Variants in HSF5 observed in about 807,000 individuals in gnomAD.
HSF5 encodes heat shock transcription factor 5, also known as heat shock factor protein 5.
Under a neutral mutation model 50.8 loss-of-function variants are expected in HSF5, and 5 were observed. The ratio of observed to expected loss-of-function variants is 0.10; its 90% confidence interval spans 0.05 to 0.21. The LOEUF (loss-of-function observed/expected upper bound fraction) is 0.21. Among genes scored for constraint, HSF5 ranks in the 10% least tolerant of loss-of-function variants. HSF5 has a pLI of 1.00. For missense variants in HSF5, 564 were observed against 762.6 expected (o/e 0.74, Z 3.07); for synonymous variants, 307 against 307.4 (o/e 1.00, Z 0.02).
At chr17:58,484,218 A>G (rs1252278979) in intron 1 of HSF5, among the ~76,000 whole-genome samples, 2 of 152,022 alleles carry the variant, frequency 1.3e-5, no homozygotes, top group Non-Finnish European at 2.9e-5. Context: ...AAAAAAAAAA[A>G]ACACCAAACA....
intron 2 of HSF5, among the ~76,000 whole-genome samples, chr17:58,471,786 C>T (rs1203794894): frequency 3.3e-5 from 5 of 151,640 alleles, no homozygotes; most frequent in Non-Finnish European, 7.4e-5. Flanking sequence ...AAAAATATCA[C>T]GTGTACCTTG....
At chr17:58,436,829 A>G (rs1974432923) in intron 5 of HSF5, among the ~76,000 whole-genome samples, 1 of 152,050 alleles carries the variant, frequency 6.6e-6, no homozygotes, top group South Asian at 2.1e-4. Context: ...GCAGAAAAAA[A>G]AAACCAACCA....
chr17:58,463,134 T>G lies in HSF5; in HGVS notation c.1190A>C (p.Glu397Ala), dbSNP rs1180923864. Residue 397 changes from glutamate to alanine, a missense_variant, in exon 4 of 6, where the codon GAG becomes GCG. Physicochemically the swap from Glu to Ala is moderately radical, Grantham distance 107. Around this residue, in one of 5 missense-constraint regions of HSF5, gnomAD observed 441 missense variants for 533.6 expected, o/e 0.83. Coordinates refer to ENST00000323777, the MANE Select transcript of HSF5 (RefSeq NM_001080439.3). ...KLEMVKVEPV[E>A]NQCPTSPSYR... The stretch of plus-strand genomic sequence containing the variant: ...AGACGGAGATGTTGGGCACTGATTC[T>G]CAACAGGCTCCACCTTTACCATCTC... The G allele has an allele frequency of 6.2e-7, 1 of 1,614,202 alleles. No homozygotes were observed. The highest frequency in any genetic ancestry group is 1.3e-5 in the African/African-American group (1 of 75,048).
chr17:58,449,624 T>C (rs1474253950), intron 5 of HSF5, among the ~76,000 whole-genome samples: 18 of 149,434 alleles, frequency 1.2e-4, no homozygotes, highest in Admixed American at 1.2e-3. Flanking sequence ...CGCTGGAACC[T>C]GGGAGGCAGA....
At chr17:58,483,997 C>T (rs550686659) in intron 1 of HSF5, among the ~76,000 whole-genome samples, 1 of 152,130 alleles carries the variant, frequency 6.6e-6, no homozygotes, top group East Asian at 1.9e-4. Flanking sequence ...GTAGAAGAGC[C>T]AAGGACTTAG....
chr17:58,485,179 T>C (rs1443212530), intron 1 of HSF5, among the ~76,000 whole-genome samples: 3 of 151,964 alleles, frequency 2.0e-5, no homozygotes, highest in Non-Finnish European at 4.4e-5. Flanking sequence ...GGTCTCGATC[T>C]CTTGACCTTG....
intron 4 of HSF5, among the ~76,000 whole-genome samples, chr17:58,461,374 T>G (rs1274382662): frequency 6.6e-6 from 1 of 151,074 alleles, no homozygotes; most frequent in African/African-American, 2.4e-5. Flanking sequence ...ATTTAAGACA[T>G]TTGGATCTAA....
chr17:58,454,553 T>C (rs1173263793), intron 5 of HSF5, among the ~76,000 whole-genome samples: 1 of 152,192 alleles, frequency 6.6e-6, no homozygotes, highest in Non-Finnish European at 1.5e-5. Context: ...TTGTCCTTGT[T>C]TGTGGATGGC....
rs557856317 is a variant in HSF5, at chr17:58,477,667, A to G, written c.925+2226T>C. ...AGTAGAGACAGGGTTTCACCGTGTT[A>G]GCCAGGATGGTCTCGATCTCCTGAC... On this transcript the variant is annotated intron_variant, in intron 2 of 5. Coordinates refer to ENST00000323777, the MANE Select transcript of HSF5 (RefSeq NM_001080439.3). Among the ~76,000 whole-genome samples the G allele has an allele frequency of 1.6e-4, 24 of 151,942 alleles. No homozygotes were observed. The East Asian group carries it at 4.5e-3, about 28-fold the overall frequency.
In HSF5 at chr17:58,427,050, G is replaced by A. The variant is rs186478168; in HGVS notation, c.1721-4620C>T. ...GTAGATCGCTTGCATCCAGAAGTTCGAGACCAGCCTAGGCAACATGGTGAA... is the reference window on the plus strand; with the variant it reads ...GTAGATCGCTTGCATCCAGAAGTTCAAGACCAGCCTAGGCAACATGGTGAA... On this transcript the variant is annotated intron_variant, in intron 5 of 5. Transcript: ENST00000323777. Among the ~76,000 whole-genome samples, 4 of 151,964 alleles carry A rather than the reference G, an allele frequency of 2.6e-5. No homozygotes were observed. The East Asian group carries it at 7.7e-4, about 29-fold the overall frequency.
intron 2 of HSF5, among the ~76,000 whole-genome samples, chr17:58,471,999 G>A (rs963231427): frequency 6.6e-6 from 1 of 151,602 alleles, no homozygotes; most frequent in Non-Finnish European, 1.5e-5. Context: ...GACTACAGGT[G>A]TGCGCCACCA....
intron 5 of HSF5, among the ~76,000 whole-genome samples, chr17:58,434,694 A>C (rs1974404533): frequency 6.6e-6 from 1 of 152,090 alleles, no homozygotes. Context: ...TCTCTATAAA[A>C]ATTAAAAAAA....
chr17:58,474,049 G>A (rs1974981054), intron 2 of HSF5, among the ~76,000 whole-genome samples: 1 of 152,008 alleles, frequency 6.6e-6, no homozygotes, highest in Non-Finnish European at 1.5e-5. Context: ...TCACCATGTT[G>A]GCCAGGCTGG....
chr17:58,458,912 G>A lies in HSF5; in HGVS notation c.1576C>T (p.Arg526Cys), dbSNP rs372318906. The change falls in exon 5 of 6, where the codon CGT becomes TGT. Residue 526 changes from arginine to cysteine, a missense_variant. Around this residue, in one of 5 missense-constraint regions of HSF5, gnomAD observed 441 missense variants for 533.6 expected, o/e 0.83. Transcript: ENST00000323777. ...TGTTCTGACGGCAAGATATTCTCAC[G>A]TGAACTGGTCTGGCATTTTATGTTG... Reference protein sequence around the residue: ...DANIKCQTSSRENILPSEQMG... With the variant: ...DANIKCQTSSCENILPSEQMG... 2.9e-5 allele frequency: 46 copies of A among 1,613,342 alleles called. No individual in the cohort carries two copies. The highest frequency in any genetic ancestry group is 4.5e-5 in the East Asian group (2 of 44,882).
chr17:58,474,987 A>G (rs772454421), intron 2 of HSF5, among the ~76,000 whole-genome samples: 9 of 152,194 alleles, frequency 5.9e-5, no homozygotes, highest in Non-Finnish European at 1.2e-4. Context: ...AACATGGTAA[A>G]AAAAATTTTT....
intron 5 of HSF5, among the ~76,000 whole-genome samples, chr17:58,441,851 C>A (rs549893534): frequency 1.3e-5 from 2 of 152,322 alleles, no homozygotes; most frequent in African/African-American, 2.4e-5. Flanking sequence ...TGTGAAACAG[C>A]GACTGTTGTA....
chr17:58,432,044 T>C (rs1280065023), intron 5 of HSF5, among the ~76,000 whole-genome samples: 2 of 152,192 alleles, frequency 1.3e-5, no homozygotes, highest in African/African-American at 4.8e-5. Flanking sequence ...AACTGAACTG[T>C]ACATTTTCAA....
intron 5 of HSF5, among the ~76,000 whole-genome samples, chr17:58,431,139 A>T (rs186818879): frequency 1.6e-4 from 24 of 152,288 alleles, no homozygotes; most frequent in African/African-American, 5.8e-4. Context: ...TGCCATGTGA[A>T]ACATGCCTTT....
intron 5 of HSF5, among the ~76,000 whole-genome samples, chr17:58,446,015 G>T (rs556810702): frequency 6.6e-6 from 1 of 151,766 alleles, no homozygotes; most frequent in Non-Finnish European, 1.5e-5. Context: ...GCAGGCGCCT[G>T]TAATACCAGC....
Sources: allele counts gnomAD v4.1 joint callset (sites outside exome capture counted in the v4.1 genomes callset), GRCh38; gene constraint gnomAD v4.1.1; regional missense constraint gnomAD v4.1.1; transcripts MANE v1.5; gene names NCBI Gene and HGNC (gene_info 2026-07-23, HGNC 2026-07-21).